Variants in ITFG1 observed in about 807,000 individuals in gnomAD.
The protein encoded by ITFG1 is T-cell immunomodulatory protein.
In ITFG1, 34 loss-of-function variants were observed where a neutral mutation model predicts 81.8. That is an observed-to-expected ratio of 0.42 (90% CI 0.32 to 0.55). The LOEUF is 0.55. Ranked by LOEUF, ITFG1 falls within the 20% of genes least tolerant of loss-of-function variation. The pLI, the probability that ITFG1 is intolerant of heterozygous loss-of-function variation, is 0.17. For synonymous variants in ITFG1, 285 were observed against 270.6 expected (o/e 1.05, Z -0.52); for missense variants, 672 against 755.4 (o/e 0.89, Z 1.29).
Position 47,162,624 on chromosome 16 carries a change from T to G in ITFG1, c.1494A>C (p.Leu498=). 2 of 1,611,544 alleles carry G rather than the reference T, an allele frequency of 1.2e-6. No individual in the cohort carries two copies. The highest frequency in any genetic ancestry group is 1.7e-6 in the Non-Finnish European group (2 of 1,178,590). The part of the protein sequence containing the change: ...LSQSAHLALQ[L]PYNVLGLGRS... ...GACCTAAACCAAGCACGTTGTATGG[T>G]AGTTGGAGAGCTAAATGTGCGGATT... is the stretch of plus-strand genomic sequence containing the variant. Residue 498 remains leucine, a synonymous_variant, in exon 15 of 18, where the codon CTA becomes CTC. Coordinates refer to ENST00000320640, the MANE Select transcript of ITFG1 (RefSeq NM_030790.5).
chr16:47,224,213 TAATA>T (rs991645400), intron 13 of ITFG1, among the ~76,000 whole-genome samples: 5 of 152,036 alleles, frequency 3.3e-5, no homozygotes, highest in Non-Finnish European at 7.4e-5. Flanking sequence ...TAAAGTATAA[TAATA>T]AATAAATAAA....
In ITFG1 at chr16:47,409,395, TATATA is replaced by T. The variant is rs1968775335; in HGVS notation, c.655+19404_655+19408del. Among the ~76,000 whole-genome samples, 48 of 17,854 alleles carry T rather than the reference TATATA, an allele frequency of 2.7e-3. 2 individuals carry two copies. Among genetic ancestry groups the T allele is most frequent in the Admixed American group, 0.014 (24 of 1,728 alleles). The allele number at this position is 17,854 out of a possible 152,430, so 11.7% of individuals were successfully genotyped here. On this transcript the variant is annotated intron_variant, in intron 6 of 17. Transcript: ENST00000320640. ...CACACTATATATATATATATATATA[TATATA>T]TATATTTTTTTTTTTTTTTTTTTTT...
chr16:47,330,445 A>C (rs1967621646), intron 8 of ITFG1, among the ~76,000 whole-genome samples: 1 of 152,046 alleles, frequency 6.6e-6, no homozygotes, highest in Non-Finnish European at 1.5e-5. Context: ...TGACAAGTTG[A>C]ATCTAATGAA....
At chr16:47,297,050 G>A (rs1966993389) in intron 10 of ITFG1, among the ~76,000 whole-genome samples, 1 of 152,038 alleles carries the variant, frequency 6.6e-6, no homozygotes, top group South Asian at 2.1e-4. Flanking sequence ...TTGTATTATT[G>A]TCTATCTTTG....
chr16:47,260,594 T>C lies in ITFG1; in HGVS notation c.1172A>G (p.Asn391Ser), dbSNP rs1966197690. ...FKVYWELTDLNQIKDAMVATF... is the reference protein window; with the variant it reads ...FKVYWELTDLSQIKDAMVATF... The stretch of plus-strand genomic sequence containing the variant: ...GGCAACCATGGCATCCTTAATTTGA[T>C]TTAGGTCTGTCAGCTCCCAGTAGAC... The change falls in exon 11 of 18, where the codon AAT (asparagine) becomes AGT (serine). Residue 391 changes from asparagine to serine, a missense_variant. Coordinates refer to ENST00000320640, the MANE Select transcript of ITFG1 (RefSeq NM_030790.5). The C allele has an allele frequency of 6.2e-7, 1 of 1,614,134 alleles. No homozygotes were observed. The highest frequency in any genetic ancestry group is 8.5e-7 in the Non-Finnish European group (1 of 1,180,008).
At chr16:47,242,195 T>C (rs1341855386) in intron 12 of ITFG1, among the ~76,000 whole-genome samples, 1 of 151,470 alleles carries the variant, frequency 6.6e-6, no homozygotes, top group African/African-American at 2.4e-5. Context: ...ACAAAGGGGG[T>C]GAACTTTTTG....
Position 47,265,104 on chromosome 16 carries a change from T to TATG in ITFG1, c.1071-4410_1071-4409insCAT, listed in dbSNP as rs964056187. On this transcript the variant is annotated intron_variant, in intron 10 of 17. Transcript: ENST00000320640. ...AGCACAGTACACATTTAATAACTGC[T>TATG]ATTATTATTATTATTATTATTATGT... 3.6e-5 allele frequency among the ~76,000 whole-genome samples: 5 copies of TATG among 137,690 alleles called. No homozygotes were observed. The East Asian group carries it at 9.8e-4, about 27-fold the overall frequency. The allele number at this position is 137,690 out of a possible 152,430, so 90.3% of individuals were successfully genotyped here.
intron 8 of ITFG1, among the ~76,000 whole-genome samples, chr16:47,317,367 A>G (rs961112474): frequency 2.0e-5 from 3 of 152,230 alleles, no homozygotes; most frequent in African/African-American, 7.2e-5. Flanking sequence ...TTAATTAAGC[A>G]GAGAACAATA....
At chr16:47,259,820 G>A (rs1966184586) in intron 11 of ITFG1, among the ~76,000 whole-genome samples, 1 of 152,124 alleles carries the variant, frequency 6.6e-6, no homozygotes, top group South Asian at 2.1e-4. Flanking sequence ...ATCAGTCAGA[G>A]TCACAAGAAT....
At chr16:47,197,625 A>AGTTGTGAG (rs1223812901) in intron 14 of ITFG1, among the ~76,000 whole-genome samples, 10 of 152,222 alleles carry the variant, frequency 6.6e-5, no homozygotes, top group African/African-American at 2.4e-4. Flanking sequence ...GGCTCACAAT[A>AGTTGTGAG]AACCTCTTTA....
rs530213678 is a variant in ITFG1, at chr16:47,216,859, T to C, written c.1453+2009A>G. Among the ~76,000 whole-genome samples, 7 of 152,136 alleles carry C rather than the reference T, an allele frequency of 4.6e-5. No individual in the cohort carries two copies. In the East Asian group the frequency reaches 1.4e-3, roughly 30 times the overall value. ...TTTTAGTGGAAATGGGGCTTTGTCA[T>C]GTTGGCCAGGCTGGTCTTGAACTCC... On this transcript the variant is annotated intron_variant, in intron 14 of 17. Transcript: ENST00000320640.
intron 17 of ITFG1, among the ~76,000 whole-genome samples, chr16:47,156,780 G>A (rs867495881): frequency 1.3e-5 from 2 of 152,154 alleles, no homozygotes; most frequent in African/African-American, 2.4e-5. Context: ...GAAGGAGCAC[G>A]GATATGTGAA....
intron 11 of ITFG1, among the ~76,000 whole-genome samples, chr16:47,260,041 C>A (rs907728721): frequency 6.6e-6 from 1 of 151,794 alleles, no homozygotes; most frequent in African/African-American, 2.4e-5. Context: ...CGGGTTCACG[C>A]CATTCTCCTG....
chr16:47,396,754 C>T (rs756210078), intron 6 of ITFG1, among the ~76,000 whole-genome samples: 51 of 152,140 alleles, frequency 3.4e-4, no homozygotes, highest in African/African-American at 1.0e-3. Flanking sequence ...ATCCAAAAAG[C>T]GTTGCAGGGA....
At chr16:47,264,011 AAC>A (rs1483112502) in intron 10 of ITFG1, among the ~76,000 whole-genome samples, 1 of 152,194 alleles carries the variant, frequency 6.6e-6, no homozygotes, top group East Asian at 1.9e-4. Context: ...ATTGGCGACA[AAC>A]AGTCTTGCTT....
At chr16:47,174,003 G>A (rs971610455) in intron 14 of ITFG1, among the ~76,000 whole-genome samples, 1 of 152,160 alleles carries the variant, frequency 6.6e-6, no homozygotes, top group Non-Finnish European at 1.5e-5. Flanking sequence ...TTGTGCCACT[G>A]CATTCCAGCC....
At chr16:47,409,837 A>G (rs1968787990) in intron 6 of ITFG1, among the ~76,000 whole-genome samples, 1 of 152,138 alleles carries the variant, frequency 6.6e-6, no homozygotes, top group Admixed American at 6.5e-5. Context: ...ATATTTAACA[A>G]TTCTATATAG....
intron 6 of ITFG1, among the ~76,000 whole-genome samples, chr16:47,404,261 GC>G (rs767575014): frequency 3.3e-5 from 5 of 152,130 alleles, no homozygotes; most frequent in Non-Finnish European, 7.4e-5. Context: ...GCCTTTAATG[GC>G]AAGACTTGAT....
intron 5 of ITFG1, among the ~76,000 whole-genome samples, chr16:47,430,933 AG>A (rs1437584535): frequency 6.6e-6 from 1 of 152,258 alleles, no homozygotes; most frequent in Non-Finnish European, 1.5e-5. Flanking sequence ...AATTCCCATC[AG>A]TGGATAAATG....
Sources: gnomAD v4.1 joint callset for allele counts (sites outside exome capture counted in the v4.1 genomes callset) on GRCh38, gnomAD v4.1.1 for gene constraint, MANE v1.5 for transcripts, NCBI Gene and HGNC (gene_info 2026-07-23, HGNC 2026-07-21) for gene names.